The following NKAIN2 variants were observed in gnomAD, a reference collection of about 807,000 sequenced individuals.
The protein encoded by NKAIN2 is sodium/potassium-transporting ATPase subunit beta-1-interacting protein 2.
NKAIN2 carries 14 observed loss-of-function variants against 32.6 expected under a neutral mutation model. The ratio of observed to expected loss-of-function variants is 0.43; its 90% CI spans 0.28 to 0.67. The LOEUF (loss-of-function observed/expected upper bound fraction) is 0.67. Ranked by LOEUF, NKAIN2 falls within the 30% of genes least tolerant of loss-of-function variation. NKAIN2 has a pLI of 0.17. For missense variants in NKAIN2, 198 were observed against 258.3 expected, an observed-to-expected ratio of 0.77 and a Z score of 1.60; for synonymous variants, 80 against 87.2, an observed-to-expected ratio of 0.92 and a Z score of 0.46.
chr6:124,389,149 C>T (rs1296303733), intron 3 of NKAIN2, among the ~76,000 whole-genome samples: 3 of 152,038 alleles, frequency 2.0e-5, no homozygotes, highest in African/African-American at 7.2e-5. Context: ...CTGTATTTCC[C>T]CTAGGAACAA....
At chr6:124,302,568 A>G (rs1428758844) in intron 2 of NKAIN2, among the ~76,000 whole-genome samples, 3 of 152,162 alleles carry the variant, frequency 2.0e-5, no homozygotes, top group Non-Finnish European at 4.4e-5. Context: ...AAGCTATCCT[A>G]TCTTTGATTT....
At chr6:124,080,607 T>C (rs896370602) in intron 1 of NKAIN2, among the ~76,000 whole-genome samples, 3 of 152,106 alleles carry the variant, frequency 2.0e-5, no homozygotes, top group South Asian at 4.1e-4. Flanking sequence ...TTGTACCAAC[T>C]ACATTTCCCA....
intron 6 of NKAIN2, among the ~76,000 whole-genome samples, chr6:124,819,841 T>A (rs1289664778): frequency 6.6e-6 from 1 of 152,176 alleles, no homozygotes; most frequent in East Asian, 1.9e-4. Flanking sequence ...CCTGTCCTCC[T>A]GAAGTTTATA....
chr6:124,526,796 A>AT (rs1180577353), intron 3 of NKAIN2, among the ~76,000 whole-genome samples: 2 of 151,926 alleles, frequency 1.3e-5, no homozygotes, highest in African/African-American at 4.8e-5. Flanking sequence ...AGCTAGTGTT[A>AT]TTTTTTTTAC....
intron 3 of NKAIN2, among the ~76,000 whole-genome samples, chr6:124,535,676 G>A (rs1288448148): frequency 6.6e-6 from 1 of 152,158 alleles, no homozygotes; most frequent in Non-Finnish European, 1.5e-5. Context: ...TGTTTACACT[G>A]AAAAGTACAA....
At chr6:124,014,177 C>G (rs527403603) in intron 1 of NKAIN2, among the ~76,000 whole-genome samples, 1 of 152,016 alleles carries the variant, frequency 6.6e-6, no homozygotes, top group Non-Finnish European at 1.5e-5. Context: ...TAATAGAAAG[C>G]TTTTCAATGA....
At chr6:124,648,541 G>T (rs1784256928) in intron 3 of NKAIN2, among the ~76,000 whole-genome samples, 1 of 152,112 alleles carries the variant, frequency 6.6e-6, no homozygotes, top group Admixed American at 6.5e-5. Flanking sequence ...GAAACTGGGG[G>T]TTCAACATGC....
intron 1 of NKAIN2, among the ~76,000 whole-genome samples, chr6:124,190,988 C>T (rs1039673842): frequency 6.6e-6 from 1 of 152,202 alleles, no homozygotes; most frequent in East Asian, 1.9e-4. Flanking sequence ...AGTGGTACAT[C>T]TACTACAATT....
chr6:124,803,824 A>C (rs2114837890), intron 5 of NKAIN2, among the ~76,000 whole-genome samples: 1 of 152,314 alleles, frequency 6.6e-6, no homozygotes, highest in South Asian at 2.1e-4. Flanking sequence ...AAAGAGCCTA[A>C]ATGTGCATTT....
At chr6:124,442,625 C>T (rs62436345) in intron 3 of NKAIN2, among the ~76,000 whole-genome samples, 5,960 of 152,082 alleles carry the variant, frequency 0.039, 156 homozygotes, top group Non-Finnish European at 0.059. Context: ...TTACTGGGTA[C>T]ACCTGAATTA....
chr6:124,252,649 G>T (rs1436829373), intron 1 of NKAIN2, among the ~76,000 whole-genome samples: 1 of 152,122 alleles, frequency 6.6e-6, no homozygotes, highest in Non-Finnish European at 1.5e-5. Flanking sequence ...TTAGACATTA[G>T]TTAAAGTATA....
intron 3 of NKAIN2, among the ~76,000 whole-genome samples, chr6:124,537,403 C>T (rs932683287): frequency 1.7e-4 from 26 of 152,156 alleles, no homozygotes; most frequent in Admixed American, 1.4e-3. Context: ...TTGTTAGTGT[C>T]CCCAGTTATA....
intron 3 of NKAIN2, among the ~76,000 whole-genome samples, chr6:124,396,007 T>A (rs1773360688): frequency 6.6e-6 from 1 of 152,226 alleles, no homozygotes; most frequent in South Asian, 2.1e-4. Context: ...GAACAAAACA[T>A]ACAAAACCTC....
At chr6:124,336,283 G>C (rs924192495) in intron 2 of NKAIN2, among the ~76,000 whole-genome samples, 3 of 152,134 alleles carry the variant, frequency 2.0e-5, no homozygotes, top group African/African-American at 7.2e-5. Context: ...TGATTAAGCA[G>C]CCATAATCAT....
intron 1 of NKAIN2, among the ~76,000 whole-genome samples, chr6:124,061,978 C>G (rs1477478942): frequency 6.6e-6 from 1 of 152,082 alleles, no homozygotes; most frequent in Admixed American, 6.6e-5. Context: ...TGTTTTAACA[C>G]AAACGTGGTG....
intron 1 of NKAIN2, among the ~76,000 whole-genome samples, chr6:124,117,282 A>G (rs1785661275): frequency 1.3e-5 from 2 of 152,152 alleles, no homozygotes; most frequent in Admixed American, 6.6e-5. Flanking sequence ...AGTGGTACCC[A>G]ATTACCTATA....
At chr6:123,954,017 G>T (rs1416805705) in intron 1 of NKAIN2, among the ~76,000 whole-genome samples, 2 of 152,166 alleles carry the variant, frequency 1.3e-5, no homozygotes, top group Non-Finnish European at 2.9e-5. Context: ...TTTGCTGCCT[G>T]GGGCAACTGG....
At chr6:124,725,096 G>A (rs1776206791) in intron 4 of NKAIN2, among the ~76,000 whole-genome samples, 1 of 152,126 alleles carries the variant, frequency 6.6e-6, no homozygotes, top group South Asian at 2.1e-4. Flanking sequence ...TAGACCCCTT[G>A]CTGGTATCAG....
intron 3 of NKAIN2, among the ~76,000 whole-genome samples, chr6:124,494,467 G>A (rs529678670): frequency 6.6e-6 from 1 of 151,892 alleles, no homozygotes; most frequent in African/African-American, 2.4e-5. Context: ...AGAATAATTG[G>A]CTTTTATCAA....
Sources: gnomAD v4.1 joint callset for allele counts (sites outside exome capture counted in the v4.1 genomes callset) on GRCh38, gnomAD v4.1.1 for gene constraint, MANE v1.5 for transcripts, NCBI Gene and HGNC (gene_info 2026-07-23, HGNC 2026-07-21) for gene names.